The following DTNA variants were observed in gnomAD, a reference collection of about 807,000 sequenced individuals.
The protein encoded by DTNA is dystrobrevin alpha, also known as dystrophin-related protein 3.
Under a neutral mutation model 100.7 loss-of-function variants are expected in DTNA, and 43 were observed. The ratio of observed to expected loss-of-function variants is 0.43; its 90% CI spans 0.33 to 0.55. The LOEUF (loss-of-function observed/expected upper bound fraction) is 0.55. Ranked by LOEUF, DTNA falls within the 20% of genes least tolerant of loss-of-function variation. DTNA has a pLI of 0.04. For synonymous variants in DTNA, 349 were observed against 347.9 expected (o/e 1.00, Z -0.04); for missense variants, 798 against 953.9 (o/e 0.84, Z 2.15).
chr18:34,663,149 T>G (rs931995288), intron 1 of DTNA, among the ~76,000 whole-genome samples: 2 of 152,058 alleles, frequency 1.3e-5, no homozygotes, highest in Non-Finnish European at 1.5e-5. Context: ...TTTTATTTAT[T>G]TATTTTTACT....
chr18:34,807,882 A>G (rs1200216150), intron 5 of DTNA, among the ~76,000 whole-genome samples: 1 of 150,982 alleles, frequency 6.6e-6, no homozygotes, highest in African/African-American at 2.4e-5. Flanking sequence ...AAAAAAGAAA[A>G]AAAAAAAGCT....
At chr18:34,886,585 C>T (rs1478711333) in intron 22 of DTNA, among the ~76,000 whole-genome samples, 2 of 152,148 alleles carry the variant, frequency 1.3e-5, no homozygotes, top group African/African-American at 2.4e-5. Flanking sequence ...TTGCGTTAAA[C>T]CCAGATAAAA....
At chr18:34,830,476 G>A (rs922543193) in intron 11 of DTNA, among the ~76,000 whole-genome samples, 5 of 152,144 alleles carry the variant, frequency 3.3e-5, no homozygotes, top group Non-Finnish European at 7.4e-5. Flanking sequence ...ATATAACTTT[G>A]AAGTCTTTTG....
chr18:34,620,943 C>A (rs550168474), intron 1 of DTNA, among the ~76,000 whole-genome samples: 1 of 151,966 alleles, frequency 6.6e-6, no homozygotes, highest in African/African-American at 2.4e-5. Context: ...TTTGGAGTAA[C>A]TGAATTGCTT....
At chr18:34,613,499 A>G (rs1444678472) in intron 1 of DTNA, among the ~76,000 whole-genome samples, 2 of 152,254 alleles carry the variant, frequency 1.3e-5, no homozygotes, top group African/African-American at 4.8e-5. Flanking sequence ...GTAAATGCAA[A>G]GTAAAAGGGA....
intron 1 of DTNA, among the ~76,000 whole-genome samples, chr18:34,499,891 T>C (rs890285507): frequency 7.9e-5 from 12 of 152,222 alleles, no homozygotes; most frequent in African/African-American, 2.9e-4. Context: ...GTGGTTTGCA[T>C]TGGGAATATT....
chr18:34,661,782 G>T (rs887226339), intron 1 of DTNA, among the ~76,000 whole-genome samples: 2 of 152,158 alleles, frequency 1.3e-5, no homozygotes, highest in African/African-American at 4.8e-5. Context: ...TGGTCAGTGA[G>T]ATCATGGAGG....
Position 34,889,245 on chromosome 18 carries a change from C to T in DTNA, c.*1511C>T. The T allele has an allele frequency of 1.2e-5, 12 of 985,242 alleles. No individual in the cohort carries two copies. The highest frequency in any genetic ancestry group is 1.4e-5 in the Non-Finnish European group (12 of 829,800). The allele number at this position is 985,242 out of a possible 1,614,324, so 61.0% of individuals were successfully genotyped here. A position where few individuals can be genotyped will look rare whatever the true frequency, so the allele number is the denominator to read the frequency against. On this transcript the variant is annotated 3_prime_UTR_variant, in exon 23 of 23. Coordinates refer to ENST00000444659, the MANE Select transcript of DTNA (RefSeq NM_001386795.1). ...GAGAACATTTTAGAACAATAGTTCT[C>T]AAAGTGTGTTCCCCGGACAAGCAGC...
At chr18:34,880,269 C>T (rs938565506) in intron 20 of DTNA, among the ~76,000 whole-genome samples, 1 of 152,074 alleles carries the variant, frequency 6.6e-6, no homozygotes, top group African/African-American at 2.4e-5. Flanking sequence ...AAGTTTTCAC[C>T]CAGTTCTGGA....
chr18:34,552,502 A>G (rs906276470), intron 1 of DTNA, among the ~76,000 whole-genome samples: 5 of 147,284 alleles, frequency 3.4e-5, no homozygotes, highest in African/African-American at 9.9e-5. Flanking sequence ...AGCATTAGGT[A>G]TATCTCCCAA....
At chr18:34,559,741 A>T (rs1423420652) in intron 1 of DTNA, among the ~76,000 whole-genome samples, 5 of 152,176 alleles carry the variant, frequency 3.3e-5, no homozygotes, top group Non-Finnish European at 7.4e-5. Flanking sequence ...AAGGAAAGCC[A>T]GTTTCCAGAG....
At chr18:34,884,816 A>G (rs755346598) in intron 22 of DTNA, 40 bp downstream of exon 22, 11 of 1,601,698 alleles carry the variant, frequency 6.9e-6, no homozygotes, top group Non-Finnish European at 9.4e-6. Context: ...TGGCCACTGT[A>G]CACTGAATTC....
At chr18:34,695,544 A>C (rs1290017905) in intron 1 of DTNA, among the ~76,000 whole-genome samples, 1 of 152,198 alleles carries the variant, frequency 6.6e-6, no homozygotes, top group Non-Finnish European at 1.5e-5. Context: ...GAACATAAAT[A>C]ACTGAAGCAT....
At chr18:34,860,896 C>A (rs2096615900) in intron 16 of DTNA, among the ~76,000 whole-genome samples, 1 of 152,080 alleles carries the variant, frequency 6.6e-6, no homozygotes, top group African/African-American at 2.4e-5. Flanking sequence ...TTATTCTACT[C>A]GTTTAATGGA....
chr18:34,759,895 G>C (rs2093027811), intron 2 of DTNA: 1 of 152,110 alleles, frequency 6.6e-6, no homozygotes, highest in Non-Finnish European at 1.5e-5. Context: ...GTCTGGCCAG[G>C]CTGGTCTCAA....
chr18:34,789,857 T>C (rs1256087224), intron 3 of DTNA, among the ~76,000 whole-genome samples: 1 of 152,230 alleles, frequency 6.6e-6, no homozygotes, highest in Non-Finnish European at 1.5e-5. Context: ...AATAAACAAC[T>C]ATTGTCTCCT....
chr18:34,875,345 C>T lies in DTNA; in HGVS notation c.1850C>T (p.Pro617Leu), dbSNP rs746246245. The T allele has an allele frequency of 9.9e-6, 16 of 1,614,096 alleles. No individual in the cohort carries two copies. The highest frequency in any genetic ancestry group is 3.3e-5 in the South Asian group (3 of 91,096). The part of the protein sequence containing the change: ...ASACSTPTHT[P>L]QDSLTGVGGD... ...GCCTGCTCCACCCCGACGCACACGC[C>T]GCAGGACTCCCTCACAGGAGTAGGG... The change falls in exon 18 of 23, where the codon CCG becomes CTG. Residue 617 changes from proline to leucine, a missense_variant. By Grantham distance (98) the Pro-to-Leu change is moderately conservative. This residue lies in a region of DTNA where 242 missense variants were observed against 238.2 expected (regional missense o/e 1.02). Coordinates refer to ENST00000444659, the MANE Select transcript of DTNA (RefSeq NM_001386795.1).
chr18:34,861,292 T>C lies in DTNA; in HGVS notation c.1647-2674T>C, dbSNP rs1056517751. ...CGAGGTCAGGAGATCGAGACCATCC[T>C]GGCTAACACAGTGAAACCCCGTCTC... On this transcript the variant is annotated intron_variant, in intron 16 of 22. Coordinates refer to ENST00000444659, the MANE Select transcript of DTNA (RefSeq NM_001386795.1). Among the ~76,000 whole-genome samples, 17 of 151,990 alleles carry C rather than the reference T, an allele frequency of 1.1e-4. No homozygotes were observed. The South Asian group carries it at 2.1e-3, about 19-fold the overall frequency.
chr18:34,761,603 A>G (rs1316135824), intron 2 of DTNA, among the ~76,000 whole-genome samples: 1 of 152,248 alleles, frequency 6.6e-6, no homozygotes. Flanking sequence ...ATAACAGTGT[A>G]AACAATCTGT....
Sources: gnomAD v4.1 joint callset for allele counts (sites outside exome capture counted in the v4.1 genomes callset) on GRCh38, gnomAD v4.1.1 for gene constraint, gnomAD v4.1.1 regional missense constraint, MANE v1.5 for transcripts, NCBI Gene and HGNC (gene_info 2026-07-23, HGNC 2026-07-21) for gene names.